The following SEPTIN7 variants were observed in gnomAD, a reference collection of about 807,000 sequenced individuals.
The protein encoded by SEPTIN7 is septin 7.
Under a neutral mutation model 63.3 loss-of-function variants are expected in SEPTIN7, and 10 were observed. The observed-to-expected ratio is 0.16, with a 90% CI of 0.10 to 0.27. The LOEUF (loss-of-function observed/expected upper bound fraction) is 0.27, where lower values mean the gene tolerates loss of function less well. SEPTIN7 is among the 10% of genes least tolerant of loss of function. The pLI is 1.00. For missense variants in SEPTIN7, 310 were observed against 521.0 expected, an observed-to-expected ratio of 0.59 and a Z score of 3.94; for synonymous variants, 131 against 165.3, an observed-to-expected ratio of 0.79 and a Z score of 1.59.
In SEPTIN7 at chr7:35,801,201, G is replaced by A; in HGVS notation, c.-9G>A. On this transcript the variant is annotated 5_prime_UTR_variant, in exon 1 of 14. Coordinates refer to ENST00000350320, the MANE Select transcript of SEPTIN7 (RefSeq NM_001788.6). ...CTCCGCTGGGGCTGGTCGCGGAGGG[G>A]GGGAGGGGATGTCGGTCAGTGCGAG... 1 of 1,505,080 alleles carries A rather than the reference G, an allele frequency of 6.6e-7. No homozygotes were observed. The highest frequency in any genetic ancestry group is 8.9e-7 in the Non-Finnish European group (1 of 1,125,474). 93.2% of individuals were successfully genotyped at this position (1,505,080 alleles called of 1,614,324 possible). A position where few individuals can be genotyped will look rare whatever the true frequency, so the allele number is the denominator to read the frequency against.
At chr7:35,805,853 A>G (rs994318096) in intron 1 of SEPTIN7, among the ~76,000 whole-genome samples, 7 of 152,182 alleles carry the variant, frequency 4.6e-5, no homozygotes, top group African/African-American at 1.7e-4. Context: ...AAGTTGTAAC[A>G]TCTTAATTCT....
At chr7:35,863,080 T>C (rs1785599822) in intron 3 of SEPTIN7, among the ~76,000 whole-genome samples, 1 of 152,178 alleles carries the variant, frequency 6.6e-6, no homozygotes, top group Admixed American at 6.5e-5. Flanking sequence ...GTTTTGTGAT[T>C]TAGAATTTTA....
At chr7:35,857,127 T>C (rs1450184039) in intron 3 of SEPTIN7, among the ~76,000 whole-genome samples, 1 of 152,172 alleles carries the variant, frequency 6.6e-6, no homozygotes, top group Non-Finnish European at 1.5e-5. Flanking sequence ...TGTCTTAGAA[T>C]TGAGGAAATT....
intron 4 of SEPTIN7, among the ~76,000 whole-genome samples, chr7:35,872,442 C>T (rs1043459380): frequency 1.3e-5 from 2 of 152,106 alleles, no homozygotes; most frequent in African/African-American, 4.8e-5. Context: ...ATGAATTTGC[C>T]AAGAGATTGG....
chr7:35,812,465 A>G (rs1486859520), intron 1 of SEPTIN7, among the ~76,000 whole-genome samples: 1 of 152,188 alleles, frequency 6.6e-6, no homozygotes, highest in Non-Finnish European at 1.5e-5. Context: ...AGCACGATAT[A>G]TGATATAAAT....
intron 1 of SEPTIN7, among the ~76,000 whole-genome samples, chr7:35,825,445 T>G (rs1338376203): frequency 6.6e-6 from 1 of 152,128 alleles, no homozygotes; most frequent in Non-Finnish European, 1.5e-5. Context: ...ATTCTCCAGC[T>G]CCCACCCTCA....
intron 1 of SEPTIN7, among the ~76,000 whole-genome samples, chr7:35,827,710 C>T (rs1192572869): frequency 1.3e-5 from 2 of 152,050 alleles, no homozygotes; most frequent in Non-Finnish European, 2.9e-5. Flanking sequence ...AGGCAGGTCT[C>T]GAACTCCTGA....
intron 2 of SEPTIN7, chr7:35,832,051 A>C (rs774882866): frequency 4.4e-6 from 2 of 451,872 alleles, no homozygotes; most frequent in South Asian, 3.1e-5. Flanking sequence ...TAGAAGTCAG[A>C]CTTATTTACT....
At chr7:35,837,348 CCTAT>C (rs1562535922) in intron 3 of SEPTIN7, among the ~76,000 whole-genome samples, 2 of 152,170 alleles carry the variant, frequency 1.3e-5, no homozygotes, top group East Asian at 3.9e-4. Context: ...TCTTTCATAA[CCTAT>C]CTATTGGTCA....
At chr7:35,817,571 A>C (rs79569657) in intron 1 of SEPTIN7, among the ~76,000 whole-genome samples, 6 of 152,050 alleles carry the variant, frequency 3.9e-5, no homozygotes, top group Non-Finnish European at 8.8e-5. Context: ...TAATTTCTAC[A>C]AGTAGGCCAA....
At chr7:35,806,041 C>T (rs1214997022) in intron 1 of SEPTIN7, among the ~76,000 whole-genome samples, 1 of 152,174 alleles carries the variant, frequency 6.6e-6, no homozygotes, top group Non-Finnish European at 1.5e-5. Context: ...AAGATGCCAG[C>T]AGCACATGCT....
At chr7:35,911,422 G>C (rs1788737937), downstream of SEPTIN7, among the ~76,000 whole-genome samples, 1 of 130,280 alleles carries the variant, frequency 7.7e-6, no homozygotes, top group Non-Finnish European at 1.6e-5. Context: ...AAACCTATTT[G>C]TAAACAGAAC....
At chr7:35,831,226 T>C in intron 1 of SEPTIN7, 1 of 182,160 alleles carries the variant, frequency 5.5e-6, no homozygotes, top group Non-Finnish European at 1.1e-5. Flanking sequence ...TCACTGGCAT[T>C]ATATCCCACA....
chr7:35,834,565 C>G (rs552671438), intron 3 of SEPTIN7, among the ~76,000 whole-genome samples: 6 of 152,108 alleles, frequency 3.9e-5, no homozygotes, highest in Admixed American at 1.3e-4. Context: ...GTGTTAATAT[C>G]CTTACTTTCA....
intron 3 of SEPTIN7, among the ~76,000 whole-genome samples, chr7:35,862,966 C>T (rs559934286): frequency 1.3e-4 from 20 of 152,048 alleles, no homozygotes; most frequent in African/African-American, 4.1e-4. Context: ...CCTCCTACCT[C>T]GAGTAGAAGC....
chr7:35,839,857 A>G (rs1784319332), intron 3 of SEPTIN7, among the ~76,000 whole-genome samples: 1 of 151,998 alleles, frequency 6.6e-6, no homozygotes, highest in African/African-American at 2.4e-5. Context: ...CTGACCTGTA[A>G]TTTATTTTTT....
intron 3 of SEPTIN7, among the ~76,000 whole-genome samples, chr7:35,836,675 A>G (rs1784097901): frequency 6.6e-6 from 1 of 152,064 alleles, no homozygotes; most frequent in Admixed American, 6.6e-5. Context: ...TTAGTTAGTG[A>G]TAGGATATAC....
At chr7:35,810,989 G>A (rs1343171658) in intron 1 of SEPTIN7, among the ~76,000 whole-genome samples, 5 of 151,154 alleles carry the variant, frequency 3.3e-5, no homozygotes, top group Non-Finnish European at 7.4e-5. Context: ...GACTGGTATC[G>A]AACTCCTGAC....
chr7:35,913,494 C>T, the SEPTIN7 span, among the ~76,000 whole-genome samples: 1 of 150,060 alleles, frequency 6.7e-6, no homozygotes, highest in Non-Finnish European at 1.5e-5. Context: ...TCCCTTCCTT[C>T]CTTCCTTCCC....
Sources: allele counts gnomAD v4.1 joint callset (sites outside exome capture counted in the v4.1 genomes callset), GRCh38; gene constraint gnomAD v4.1.1; transcripts MANE v1.5; gene names NCBI Gene and HGNC (gene_info 2026-07-23, HGNC 2026-07-21).